Variants in TANC1 observed in about 807,000 individuals in gnomAD.
The protein encoded by TANC1 is protein TANC1.
A neutral mutation model predicts 149.7 loss-of-function variants in TANC1; 77 were observed. The observed-to-expected ratio is 0.51, with a 90% CI of 0.43 to 0.62. TANC1 has a LOEUF of 0.62. Ranked by LOEUF, TANC1 falls within the 20% of genes least tolerant of loss-of-function variation. The probability of loss-of-function intolerance (pLI) is 0.00; values close to 1 mark genes in which losing one functional copy is unlikely to be tolerated. For synonymous variants in TANC1, 854 were observed against 925.0 expected (o/e 0.92, Z 1.39); for missense variants, 1,985 against 2,321.8 (o/e 0.85, Z 2.98).
chr2:159,067,990 CATA>C (rs2042812940), intron 3 of TANC1, among the ~76,000 whole-genome samples: 1 of 152,140 alleles, frequency 6.6e-6, no homozygotes, highest in Non-Finnish European at 1.5e-5. Context: ...ATCATTTCTT[CATA>C]ATAATTTCCA....
At chr2:159,069,031 G>A (rs2042914476) in intron 3 of TANC1, among the ~76,000 whole-genome samples, 1 of 152,152 alleles carries the variant, frequency 6.6e-6, no homozygotes, top group African/African-American at 2.4e-5. Flanking sequence ...ATGAGCCACT[G>A]CGCCCAGCGG....
chr2:159,042,962 A>C (rs941930911), intron 2 of TANC1, among the ~76,000 whole-genome samples: 1 of 152,192 alleles, frequency 6.6e-6, no homozygotes, highest in Non-Finnish European at 1.5e-5. Context: ...TAAACCTATT[A>C]GCATCACATA....
chr2:159,062,992 A>AAAAG (rs1456162640), intron 2 of TANC1, among the ~76,000 whole-genome samples: 14 of 147,488 alleles, frequency 9.5e-5, no homozygotes, highest in Middle Eastern at 3.4e-3. Context: ...AAAAAAAAAA[A>AAAAG]AAAGAAAGCA....
At chr2:159,059,930 GGTTT>G (rs2042117365) in intron 2 of TANC1, among the ~76,000 whole-genome samples, 2 of 125,090 alleles carry the variant, frequency 1.6e-5, no homozygotes, top group African/African-American at 3.4e-5. Context: ...GTGTGTGTGT[GGTTT>G]TTTGTTGTTG....
At chr2:159,052,328 A>T (rs2041537199) in intron 2 of TANC1, among the ~76,000 whole-genome samples, 1 of 152,112 alleles carries the variant, frequency 6.6e-6, no homozygotes, top group African/African-American at 2.4e-5. Context: ...ATTCTTGATA[A>T]ATAGGGCTTT....
chr2:159,211,363 T>G (rs1297354708), intron 19 of TANC1, among the ~76,000 whole-genome samples: 2 of 152,256 alleles, frequency 1.3e-5, no homozygotes, highest in African/African-American at 2.4e-5. Context: ...CGTTGATTTT[T>G]GAGCTCCCAT....
chr2:158,977,361 A>G (rs569180930), intron 1 of TANC1, among the ~76,000 whole-genome samples: 177 of 152,070 alleles, frequency 1.2e-3, no homozygotes, highest in South Asian at 2.3e-3. Flanking sequence ...CCCAGGTTGG[A>G]GTGCAGTGGT....
intron 3 of TANC1, among the ~76,000 whole-genome samples, chr2:159,076,739 A>G (rs2043723358): frequency 2.0e-5 from 3 of 152,166 alleles, no homozygotes; most frequent in Non-Finnish European, 4.4e-5. Flanking sequence ...CTTGAGGAAG[A>G]CCTGGAAAAA....
chr2:159,179,174 C>T lies in TANC1; in HGVS notation c.2510+11C>T, dbSNP rs201279409. On this transcript the variant is annotated intron_variant, in intron 14 of 26. Transcript: ENST00000263635. ...CCTGTGTGAGCCCAGGTACGGCAGG[C>T]GCTTTCTTTCAGCTCTTTGCAGGGA... is the stretch of plus-strand genomic sequence containing the variant. 87 of 1,595,644 alleles carry T rather than the reference C, an allele frequency of 5.5e-5. No individual in the cohort carries two copies. Among genetic ancestry groups the T allele is most frequent in the African/African-American group, 1.5e-4 (11 of 73,904 alleles).
At chr2:159,085,016 T>C (rs1177235834) in intron 3 of TANC1, among the ~76,000 whole-genome samples, 3 of 152,284 alleles carry the variant, frequency 2.0e-5, no homozygotes, top group Admixed American at 2.0e-4. Context: ...TTAAATGGAA[T>C]GGGGTGAATA....
rs35670582 is a variant in TANC1 at position 159,168,299 on chromosome 2, AT to A, written c.947-933del. On this transcript the variant is annotated intron_variant, in intron 8 of 26. Coordinates refer to ENST00000263635, the MANE Select transcript of TANC1 (RefSeq NM_033394.3). ...GTATGAATGTTTGAATAGATCTTTA[AT>A]TTTTTTTTTTTTTTTTTGAGACAGA... Among the ~76,000 whole-genome samples, 251 of 130,364 alleles carry A rather than the reference AT, an allele frequency of 1.9e-3. 1 individual carries two copies. Among genetic ancestry groups the A allele is most frequent in the African/African-American group, 2.7e-3 (91 of 33,904 alleles). The allele number at this position is 130,364 out of a possible 152,430, so 85.5% of individuals were successfully genotyped here. A position where few individuals can be genotyped will look rare whatever the true frequency, so the allele number is the denominator to read the frequency against.
chr2:159,229,770 T>C lies in TANC1; in HGVS notation c.4344T>C (p.Pro1448=), dbSNP rs1473045184. Reference sequence around the variant, plus strand: ...AGAACGAAGAGGACACCCCAACCCCTGGCTTAAGTGACCACTTTCACTCTG... The same window carrying C: ...AGAACGAAGAGGACACCCCAACCCCCGGCTTAAGTGACCACTTTCACTCTG... The part of the protein sequence containing the change: ...DSENEEDTPT[P]GLSDHFHSEE... Residue 1448 remains proline, a synonymous_variant, in exon 27 of 27, where the codon CCT becomes CCC. Coordinates refer to ENST00000263635, the MANE Select transcript of TANC1 (RefSeq NM_033394.3). 2 of 1,611,672 alleles carry C rather than the reference T, an allele frequency of 1.2e-6. No individual in the cohort carries two copies. Among genetic ancestry groups the C allele is most frequent in the Non-Finnish European group, 1.7e-6 (2 of 1,179,338 alleles).
At position 158,969,570 on chromosome 2, in the gene TANC1, T is replaced by G. The variant is rs372627720; in HGVS notation, c.-126+788T>G. ...AGGGCACTGGCTTCCTGGAGGACTT[T>G]GGGGTGCGGGCGCGCAGCGCTGTGG... is the stretch of plus-strand genomic sequence containing the variant. On this transcript the variant is annotated intron_variant, in intron 1 of 26. Coordinates refer to ENST00000263635, the MANE Select transcript of TANC1 (RefSeq NM_033394.3). 3.9e-5 allele frequency among the ~76,000 whole-genome samples: 6 copies of G among 152,282 alleles called. No homozygotes were observed. The East Asian group carries it at 7.7e-4, about 20-fold the overall frequency.
chr2:159,215,452 C>T (rs1414604267), intron 19 of TANC1, among the ~76,000 whole-genome samples: 1 of 152,068 alleles, frequency 6.6e-6, no homozygotes, highest in African/African-American at 2.4e-5. Flanking sequence ...ACTGGTGTGA[C>T]CAGAGGAGGT....
chr2:159,222,665 T>C (rs2059777495), intron 22 of TANC1, among the ~76,000 whole-genome samples: 1 of 152,196 alleles, frequency 6.6e-6, no homozygotes, highest in Non-Finnish European at 1.5e-5. Flanking sequence ...TGCTTCTATG[T>C]TTTTTGCTGT....
At chr2:159,116,371 T>G (rs66686833) in intron 4 of TANC1, among the ~76,000 whole-genome samples, 1 of 151,398 alleles carries the variant, frequency 6.6e-6, no homozygotes, top group Non-Finnish European at 1.5e-5. Flanking sequence ...ATGTTGCAGT[T>G]AGCCGAGATT....
chr2:159,078,974 A>AT (rs5835730), intron 3 of TANC1, among the ~76,000 whole-genome samples: 1 of 151,790 alleles, frequency 6.6e-6, no homozygotes, highest in African/African-American at 2.4e-5. Flanking sequence ...TTGTTTTTGT[A>AT]TTTTTTTTAA....
chr2:159,030,021 T>C (rs2039655603), intron 2 of TANC1, among the ~76,000 whole-genome samples: 1 of 152,174 alleles, frequency 6.6e-6, no homozygotes, highest in African/African-American at 2.4e-5. Flanking sequence ...TCAATAACAC[T>C]GAGAATTATT....
At chr2:159,219,975 AGAGTGTGTGTGTGT>A (rs952069179) in intron 22 of TANC1, 108 bp downstream of exon 22, 80 of 748,242 alleles carry the variant, frequency 1.1e-4, no homozygotes, top group East Asian at 4.9e-4. Context: ...GTGTCATCAG[AGAGTGTGTGTGTGT>A]GTGTGTGTGT....
Sources: gnomAD v4.1 joint callset for allele counts (sites outside exome capture counted in the v4.1 genomes callset) on GRCh38, gnomAD v4.1.1 for gene constraint, MANE v1.5 for transcripts, NCBI Gene and HGNC (gene_info 2026-07-23, HGNC 2026-07-21) for gene names.